MICAL2: variants seen among roughly 807,000 people sequenced by gnomAD.
The protein encoded by MICAL2 is microtubule associated monooxygenase, calponin and LIM domain containing 2, also known as [F-actin]-monooxygenase MICAL2.
In MICAL2, 77 loss-of-function variants were observed where a neutral mutation model predicts 127.3. The observed-to-expected ratio is 0.60, with a 90% confidence interval of 0.50 to 0.73. The LOEUF is 0.73. MICAL2 is among the 30% of genes least tolerant of loss of function. The pLI is 0.00. For synonymous variants in MICAL2, 570 were observed against 551.1 expected (o/e 1.03, Z -0.48); for missense variants, 1,351 against 1,434.4 (o/e 0.94, Z 0.94).
At chr11:12,152,478 G>A (rs1311194625) in intron 2 of MICAL2, among the ~76,000 whole-genome samples, 2 of 151,982 alleles carry the variant, frequency 1.3e-5, no homozygotes, top group African/African-American at 4.8e-5. Context: ...AGGAATTGTT[G>A]GAACACAGGG....
chr11:12,119,457 G>A (rs932004160), intron 1 of MICAL2, among the ~76,000 whole-genome samples: 17 of 152,144 alleles, frequency 1.1e-4, no homozygotes, highest in African/African-American at 4.1e-4. Flanking sequence ...CCTGATTTTA[G>A]AGCAGCACTT....
At chr11:12,260,145 C>T in intron 26 of MICAL2, 1 of 1,529,002 alleles carries the variant, frequency 6.5e-7, no homozygotes, top group Non-Finnish European at 8.8e-7. Flanking sequence ...ACTGGGTGCT[C>T]AGGTGCTTCC....
At chr11:12,221,598 G>T in intron 9 of MICAL2, 46 bp from the exon 10 acceptor site, 2 of 1,337,492 alleles carry the variant, frequency 1.5e-6, no homozygotes, top group Non-Finnish European at 1.1e-6. Context: ...ATCATAGATC[G>T]GGAGTCATCA....
chr11:12,350,753 G>T (rs965468176), intron 33 of MICAL2, among the ~76,000 whole-genome samples: 1 of 152,158 alleles, frequency 6.6e-6, no homozygotes, highest in East Asian at 1.9e-4. Context: ...AAGTATGACA[G>T]CCCAGATTAG....
downstream of MICAL2, among the ~76,000 whole-genome samples, chr11:12,293,187 C>T (rs1011115586): frequency 1.3e-5 from 2 of 152,234 alleles, no homozygotes; most frequent in African/African-American, 2.4e-5. Flanking sequence ...AAATGAAGAG[C>T]TTATCTTCCC....
chr11:12,330,829 C>CAGAG (rs1381650434), intron 32 of MICAL2, among the ~76,000 whole-genome samples: 3 of 69,166 alleles, frequency 4.3e-5, no homozygotes, highest in East Asian at 3.8e-4. Flanking sequence ...GAGGGAGAGA[C>CAGAG]AGACAGAGAG....
intron 21 of MICAL2, among the ~76,000 whole-genome samples, chr11:12,247,951 G>T (rs1284986980): frequency 2.0e-5 from 3 of 152,188 alleles, no homozygotes; most frequent in African/African-American, 7.2e-5. Flanking sequence ...GGAAACTGAT[G>T]CTTAGTCCTT....
At chr11:12,132,953 C>T (rs1207502707) in intron 1 of MICAL2, among the ~76,000 whole-genome samples, 4 of 152,196 alleles carry the variant, frequency 2.6e-5, no homozygotes, top group African/African-American at 7.2e-5. Context: ...TGGAAGAAGG[C>T]GCTTGCCTGT....
chr11:12,301,472 G>A (rs572917271), intron 29 of MICAL2, among the ~76,000 whole-genome samples: 9 of 152,282 alleles, frequency 5.9e-5, no homozygotes, highest in South Asian at 4.1e-4. Flanking sequence ...TTATACGTAC[G>A]TATTTTTGGT....
chr11:12,256,440 A>G, intron 23 of MICAL2: 1 of 190,580 alleles, frequency 5.2e-6, no homozygotes, highest in Non-Finnish European at 1.1e-5. Flanking sequence ...GATCCTGGAA[A>G]GAATATCCTG....
chr11:12,181,039 G>T (rs1433342580), intron 3 of MICAL2, among the ~76,000 whole-genome samples: 2 of 150,786 alleles, frequency 1.3e-5, no homozygotes, highest in Non-Finnish European at 2.9e-5. Context: ...ACCCCTGGGG[G>T]TTCAAGCGAT....
intron 2 of MICAL2, among the ~76,000 whole-genome samples, chr11:12,146,542 C>G (rs1032493127): frequency 1.3e-5 from 2 of 152,158 alleles, no homozygotes; most frequent in Non-Finnish European, 2.9e-5. Context: ...GAACGGTGAT[C>G]ATTAAAAAGT....
At chr11:12,140,250 G>A (rs1027674736) in intron 2 of MICAL2, among the ~76,000 whole-genome samples, 68 of 152,184 alleles carry the variant, frequency 4.5e-4, no homozygotes, top group African/African-American at 1.5e-3. Flanking sequence ...TTTTATAAAG[G>A]TCATTTCATC....
chr11:12,221,878 C>T (rs1279577585), intron 10 of MICAL2, 119 bp downstream of exon 10: 2 of 692,084 alleles, frequency 2.9e-6, no homozygotes, highest in Non-Finnish European at 4.8e-6. Context: ...CTCCATTCTA[C>T]CTTCCCATGT....
chr11:12,239,927 T>A (rs900512111), intron 17 of MICAL2, among the ~76,000 whole-genome samples: 12 of 152,278 alleles, frequency 7.9e-5, no homozygotes, highest in African/African-American at 2.9e-4. Flanking sequence ...TGCTGGTGGT[T>A]GTTCTGCATT....
At chr11:12,293,757 T>C (rs1254488787), downstream of MICAL2, 1 of 1,613,562 alleles carries the variant, frequency 6.2e-7, no homozygotes, top group East Asian at 2.2e-5. Context: ...CCTGCAGAGA[T>C]GACTTCTGAT....
At chr11:12,241,930 A>G (rs2134475093) in intron 18 of MICAL2, among the ~76,000 whole-genome samples, 1 of 151,942 alleles carries the variant, frequency 6.6e-6, no homozygotes, top group African/African-American at 2.4e-5. Flanking sequence ...GTTTTTTTTT[A>G]AGTACCCTAA....
intron 30 of MICAL2, among the ~76,000 whole-genome samples, chr11:12,322,266 A>G (rs1033110077): frequency 6.6e-6 from 1 of 152,176 alleles, no homozygotes; most frequent in Non-Finnish European, 1.5e-5. Context: ...TAAGTTAGAC[A>G]ATCTCTGGAT....
intron 7 of MICAL2, among the ~76,000 whole-genome samples, chr11:12,213,613 G>A (rs12291066): frequency 0.034 from 5,108 of 152,268 alleles, 271 homozygotes; most frequent in African/African-American, 0.12. Context: ...GAATGTTCTG[G>A]ATGTTGTACA....
Sources: allele counts gnomAD v4.1 joint callset (sites outside exome capture counted in the v4.1 genomes callset), GRCh38; gene constraint gnomAD v4.1.1; transcripts MANE v1.5; gene names NCBI Gene and HGNC (gene_info 2026-07-23, HGNC 2026-07-21).